SEPTIN14: variants seen among roughly 807,000 people sequenced by gnomAD.
SEPTIN14 encodes the protein septin 14, also known as septin-14.
In SEPTIN14, 40 loss-of-function variants were observed where a neutral mutation model predicts 53.6. The ratio of observed to expected loss-of-function variants is 0.75; its 90% CI spans 0.58 to 0.97. SEPTIN14 has a LOEUF of 0.97. Among genes scored for constraint, SEPTIN14 ranks in the 50% least tolerant of loss-of-function variants. The pLI, the probability that SEPTIN14 is intolerant of heterozygous loss-of-function variation, is 0.00. For missense variants in SEPTIN14, 471 were observed against 508.2 expected (o/e 0.93, Z 0.70); for synonymous variants, 138 against 166.8 (o/e 0.83, Z 1.33).
rs1231609034 is a variant in SEPTIN14 at position 55,844,683 on chromosome 7, T to C, written c.211A>G (p.Thr71Ala). The C allele has an allele frequency of 6.2e-7, 1 of 1,604,766 alleles. No individual in the cohort carries two copies. The highest frequency in any genetic ancestry group is 8.5e-7 in the Non-Finnish European group (1 of 1,173,746). The change falls in exon 4 of 10, where the codon ACA becomes GCA. Residue 71 changes from threonine (T) to alanine (A), a missense_variant. Physicochemically the swap from Thr to Ala is moderately conservative, Grantham distance 58. Transcript: ENST00000388975. Reference sequence around the variant, plus strand: ...TCTTTCAAGTTAGTATTAAACAATGTGTCTATCAGTGTCGATTTTCCAATT... The same window carrying C: ...TCTTTCAAGTTAGTATTAAACAATGCGTCTATCAGTGTCGATTTTCCAATT... Reference protein sequence around the residue: ...TGIGKSTLIDTLFNTNLKDNK... With the variant: ...TGIGKSTLIDALFNTNLKDNK...
At chr7:55,847,187 G>A (rs946088868) in intron 2 of SEPTIN14, among the ~76,000 whole-genome samples, 2 of 152,012 alleles carry the variant, frequency 1.3e-5, no homozygotes, top group African/African-American at 4.8e-5. Flanking sequence ...CAGCCTGGGT[G>A]ACAGAGTGAA....
At chr7:55,844,470 CA>C (rs1449975932) in intron 4 of SEPTIN14, 52 bp downstream of exon 4, 8 of 1,047,624 alleles carry the variant, frequency 7.6e-6, no homozygotes, top group African/African-American at 1.6e-5. Context: ...CAAAGGAAGT[CA>C]AATTCCTTGA....
At chr7:55,855,958 T>A (rs1244043364) in intron 2 of SEPTIN14, among the ~76,000 whole-genome samples, 1 of 152,226 alleles carries the variant, frequency 6.6e-6, no homozygotes, top group African/African-American at 2.4e-5. Flanking sequence ...TTATATTTTT[T>A]AATTTATTAA....
chr7:55,820,740 G>T (rs1379611743), intron 6 of SEPTIN14, among the ~76,000 whole-genome samples: 1 of 152,150 alleles, frequency 6.6e-6, no homozygotes, highest in East Asian at 1.9e-4. Flanking sequence ...AGGAGTTCGA[G>T]ACCAGCCTTG....
chr7:55,860,609 A>C (rs1286662464), intron 2 of SEPTIN14, among the ~76,000 whole-genome samples: 1 of 152,222 alleles, frequency 6.6e-6, no homozygotes, highest in African/African-American at 2.4e-5. Context: ...CTTGATTATT[A>C]TGTATTCTAT....
At chr7:55,855,136 G>C (rs1447535011) in intron 2 of SEPTIN14, among the ~76,000 whole-genome samples, 2 of 151,736 alleles carry the variant, frequency 1.3e-5, no homozygotes, top group Non-Finnish European at 2.9e-5. Context: ...AGCCTCCCAA[G>C]TAGCTGGGAC....
intron 2 of SEPTIN14, among the ~76,000 whole-genome samples, chr7:55,855,700 C>G (rs1789611121): frequency 6.6e-6 from 1 of 151,968 alleles, no homozygotes; most frequent in Non-Finnish European, 1.5e-5. Flanking sequence ...GGGTTATAGC[C>G]GTGCCACCAC....
At chr7:55,805,412 G>A (rs752516865) in intron 8 of SEPTIN14, 22 bp from the exon 9 acceptor site, 1 of 1,518,140 alleles carries the variant, frequency 6.6e-7, no homozygotes, top group Non-Finnish European at 8.9e-7. Context: ...TGTTTTCTTA[G>A]TCTTATATTA....
Position 55,830,136 on chromosome 7 carries a change from C to G in SEPTIN14, c.720+4289G>C, listed in dbSNP as rs1267941614. ...GAGCTTGCAGTGAGCAGAGATCGCA[C>G]CGCTGCACTCCAGCCTGGGCGACAG... is the stretch of plus-strand genomic sequence containing the variant. On this transcript the variant is annotated intron_variant, in intron 6 of 9. Coordinates refer to ENST00000388975, the MANE Select transcript of SEPTIN14 (RefSeq NM_207366.3). Among the ~76,000 whole-genome samples, 3 of 148,026 alleles carry G rather than the reference C, an allele frequency of 2.0e-5. No individual in the cohort carries two copies. The East Asian group carries it at 6.1e-4, about 30-fold the overall frequency.
intron 6 of SEPTIN14, among the ~76,000 whole-genome samples, chr7:55,830,177 C>CAA (rs758063923): frequency 6.6e-5 from 7 of 105,614 alleles, no homozygotes; most frequent in Admixed American, 3.0e-4. Context: ...GACTCTGTCT[C>CAA]AAAAAAAAAA....
At chr7:55,849,085 G>A (rs1010654637) in intron 2 of SEPTIN14, among the ~76,000 whole-genome samples, 14 of 152,108 alleles carry the variant, frequency 9.2e-5, no homozygotes, top group Non-Finnish European at 1.9e-4. Flanking sequence ...AGCAGTTTGA[G>A]AGGCTGAGGC....
At chr7:55,816,530 C>T (rs1263083703) in intron 7 of SEPTIN14, among the ~76,000 whole-genome samples, 1 of 151,934 alleles carries the variant, frequency 6.6e-6, no homozygotes, top group East Asian at 1.9e-4. Flanking sequence ...AGTGTGGTGG[C>T]TCATGCCTGT....
intron 3 of SEPTIN14, among the ~76,000 whole-genome samples, chr7:55,845,939 C>T (rs998564956): frequency 2.7e-5 from 4 of 148,496 alleles, no homozygotes; most frequent in African/African-American, 4.9e-5. Flanking sequence ...GTCCCAGTTA[C>T]TTGGGAGGCT....
intron 6 of SEPTIN14, among the ~76,000 whole-genome samples, chr7:55,830,283 G>A (rs184437917): frequency 1.6e-3 from 235 of 143,934 alleles, no homozygotes; most frequent in Middle Eastern, 7.6e-3. Flanking sequence ...CAAAAGCCAG[G>A]AAATACAACT....
intron 7 of SEPTIN14, among the ~76,000 whole-genome samples, chr7:55,808,589 T>C (rs1364107507): frequency 6.6e-6 from 1 of 152,196 alleles, no homozygotes; most frequent in East Asian, 1.9e-4. Flanking sequence ...TTCGCTTTTG[T>C]CACCCAGGCT....
chr7:55,816,147 A>C (rs749779200), intron 7 of SEPTIN14, among the ~76,000 whole-genome samples: 28 of 152,146 alleles, frequency 1.8e-4, no homozygotes, highest in Non-Finnish European at 3.4e-4. Context: ...CTAAAAATTA[A>C]AACAATTGAA....
intron 7 of SEPTIN14, among the ~76,000 whole-genome samples, chr7:55,810,506 G>C (rs1584253854): frequency 8.8e-6 from 1 of 114,142 alleles, no homozygotes; most frequent in Non-Finnish European, 1.7e-5. Flanking sequence ...GCAGAGTCTT[G>C]CTCTGTCACC....
At chr7:55,854,434 T>A (rs1584274559) in intron 2 of SEPTIN14, among the ~76,000 whole-genome samples, 1 of 148,226 alleles carries the variant, frequency 6.7e-6, no homozygotes, top group Non-Finnish European at 1.5e-5. Context: ...GTACTGGAGG[T>A]TCTTTTTTTT....
chr7:55,805,259 T>TC lies in SEPTIN14; in HGVS notation c.1117dup (p.Glu373GlyfsTer10). ...TTATATCAAACTGTCAGTACTAACCTCTTTTTCAGCTTCTTTAAATGTTGC... is the reference window on the plus strand; with the variant it reads ...TTATATCAAACTGTCAGTACTAACCTCCTTTTTCAGCTTCTTTAAATGTTGC... On this transcript the variant is annotated frameshift_variant and splice_region_variant, in exon 9 of 10. Transcript: ENST00000388975. LOFTEE classifies it high-confidence loss of function. The TC allele has an allele frequency of 6.2e-7, 1 of 1,611,418 alleles. No individual in the cohort carries two copies.
Sources: allele counts gnomAD v4.1 joint callset (sites outside exome capture counted in the v4.1 genomes callset), GRCh38; gene constraint gnomAD v4.1.1; transcripts MANE v1.5; gene names NCBI Gene and HGNC (gene_info 2026-07-23, HGNC 2026-07-21).